MEGF11: variants seen among roughly 807,000 people sequenced by gnomAD.
MEGF11 encodes multiple EGF like domains 11, also known as multiple epidermal growth factor-like domains protein 11.
A neutral mutation model predicts 146.6 loss-of-function variants in MEGF11; 126 were observed. That is an observed-to-expected ratio of 0.86 (90% CI 0.74 to 1.00). The LOEUF (loss-of-function observed/expected upper bound fraction) is 1.00. MEGF11 is among the 50% of genes least tolerant of loss of function. The pLI is 0.00. For synonymous variants in MEGF11, 532 were observed against 583.4 expected (o/e 0.91, Z 1.27); for missense variants, 1,509 against 1,521.2 (o/e 0.99, Z 0.13).
intron 1 of MEGF11, among the ~76,000 whole-genome samples, chr15:66,240,694 C>G (rs759733078): frequency 6.6e-6 from 1 of 152,176 alleles, no homozygotes; most frequent in Non-Finnish European, 1.5e-5. Flanking sequence ...GGTGCTCAGA[C>G]AGGTTAGGTA....
rs2086726050 is a variant in MEGF11, at chr15:66,100,088, A to T, written c.302-5594T>A. On this transcript the variant is annotated intron_variant, in intron 4 of 25. Coordinates refer to ENST00000395614, the MANE Select transcript of MEGF11 (RefSeq NM_001385028.1). Reference sequence around the variant, plus strand: ...CCAGTGGTTGCGCTTTGGGGGGGAAATGTGAGCTTGTACCCCAAGGTCCCC... The same window carrying T: ...CCAGTGGTTGCGCTTTGGGGGGGAATTGTGAGCTTGTACCCCAAGGTCCCC... Among the ~76,000 whole-genome samples the T allele has an allele frequency of 2.0e-5, 3 of 152,176 alleles. No individual in the cohort carries two copies. The South Asian group carries it at 6.2e-4, about 31-fold the overall frequency.
chr15:65,940,532 C>A (rs2079952070), intron 10 of MEGF11, among the ~76,000 whole-genome samples: 1 of 152,264 alleles, frequency 6.6e-6, no homozygotes, highest in African/African-American at 2.4e-5. Context: ...CCAGCCACAG[C>A]AGCCTCTCCA....
chr15:66,069,024 C>G (rs2085256288), intron 5 of MEGF11, among the ~76,000 whole-genome samples: 1 of 150,294 alleles, frequency 6.7e-6, no homozygotes, highest in Non-Finnish European at 1.5e-5. Flanking sequence ...CTGGGTCAGA[C>G]AGTCTGGACT....
chr15:66,088,423 G>A (rs1352136462), intron 5 of MEGF11, among the ~76,000 whole-genome samples: 2 of 152,260 alleles, frequency 1.3e-5, no homozygotes, highest in Non-Finnish European at 2.9e-5. Flanking sequence ...TTGGGAGGCT[G>A]AGTGGATCCC....
intron 2 of MEGF11, 34 bp from the exon 3 acceptor site, chr15:66,124,034 A>T (rs779569470): frequency 1.3e-6 from 2 of 1,543,674 alleles, no homozygotes; most frequent in Non-Finnish European, 1.8e-6. Context: ...AGCCATGATT[A>T]GCACTTGGGA....
chr15:66,164,666 C>T (rs560205926), intron 1 of MEGF11, among the ~76,000 whole-genome samples: 22 of 152,312 alleles, frequency 1.4e-4, no homozygotes, highest in African/African-American at 5.3e-4. Flanking sequence ...CACTCAGACC[C>T]CAATCCCAAT....
At chr15:66,125,955 T>C (rs900283406) in intron 2 of MEGF11, among the ~76,000 whole-genome samples, 10 of 152,190 alleles carry the variant, frequency 6.6e-5, no homozygotes, top group Admixed American at 3.9e-4. Flanking sequence ...CGAACGAGTC[T>C]GGCAACCAGG....
chr15:66,249,388 G>A (rs957188000), intron 1 of MEGF11, among the ~76,000 whole-genome samples: 1 of 152,124 alleles, frequency 6.6e-6, no homozygotes, highest in Non-Finnish European at 1.5e-5. Context: ...TTCATGAGGG[G>A]CTCTCGGAGT....
At chr15:66,154,205 G>A (rs79394454) in intron 1 of MEGF11, among the ~76,000 whole-genome samples, 3,560 of 152,296 alleles carry the variant, frequency 0.023, 131 homozygotes, top group African/African-American at 0.082. Context: ...CTTGCTACCC[G>A]AAACAACAAC....
intron 21 of MEGF11, 94 bp from the exon 22 acceptor site, chr15:65,909,900 A>G (rs2078745049): frequency 1.8e-6 from 2 of 1,126,590 alleles, no homozygotes; most frequent in Non-Finnish European, 1.3e-6. Context: ...CACACCCTGT[A>G]ATAATCCTGA....
chr15:66,075,843 A>G (rs1368646340), intron 5 of MEGF11, among the ~76,000 whole-genome samples: 2 of 152,204 alleles, frequency 1.3e-5, no homozygotes, highest in Non-Finnish European at 2.9e-5. Flanking sequence ...TCCATGAAAT[A>G]AAGGGAATGA....
chr15:66,191,166 C>T (rs1211019553), intron 1 of MEGF11, among the ~76,000 whole-genome samples: 1 of 152,124 alleles, frequency 6.6e-6, no homozygotes, highest in Non-Finnish European at 1.5e-5. Context: ...TCCCTCCCCC[C>T]GCCAAAAGAA....
chr15:66,122,448 C>T (rs148386085), intron 3 of MEGF11, among the ~76,000 whole-genome samples: 9 of 152,314 alleles, frequency 5.9e-5, no homozygotes, highest in Admixed American at 3.9e-4. Context: ...CAGCACAGAA[C>T]GAGTTTTCTC....
chr15:65,896,961 A>G lies in MEGF11; in HGVS notation c.*973T>C, dbSNP rs947854975. 2 of 152,218 alleles carry G rather than the reference A, an allele frequency of 1.3e-5. No homozygotes were observed. Among genetic ancestry groups the G allele is most frequent in the African/African-American group, 4.8e-5 (2 of 41,468 alleles). The allele number at this position is 152,218 out of a possible 1,614,324, so 9.4% of individuals were successfully genotyped here. On this transcript the variant is annotated 3_prime_UTR_variant, in exon 26 of 26. Transcript: ENST00000395614. ...CCTGTATACTTTTAGGTTTCATACT[A>G]CGTCAATCTCAAGATTTATGAAGAA...
In MEGF11 at chr15:65,897,901, T is replaced by C; in HGVS notation, c.*33A>G. Reference sequence around the variant, plus strand: ...CTTCTTTCAGAGTCAGAATATTCAGTAGAGCACACTGCAAGAGAGAAGCTT... The same window carrying C: ...CTTCTTTCAGAGTCAGAATATTCAGCAGAGCACACTGCAAGAGAGAAGCTT... On this transcript the variant is annotated 3_prime_UTR_variant, in exon 26 of 26. Transcript: ENST00000395614. 1 of 1,602,694 alleles carries C rather than the reference T, an allele frequency of 6.2e-7. No homozygotes were observed. The highest frequency in any genetic ancestry group is 1.1e-5 in the South Asian group (1 of 89,956).
At chr15:66,005,852 A>C (rs1009889352) in intron 5 of MEGF11, among the ~76,000 whole-genome samples, 5 of 152,200 alleles carry the variant, frequency 3.3e-5, no homozygotes, top group African/African-American at 4.8e-5. Context: ...TAACATGTAC[A>C]CGCAGTGAAG....
At chr15:66,082,080 C>A (rs2085882156) in intron 5 of MEGF11, among the ~76,000 whole-genome samples, 1 of 152,164 alleles carries the variant, frequency 6.6e-6, no homozygotes, top group Non-Finnish European at 1.5e-5. Flanking sequence ...GCCACCAAGT[C>A]TTGTTACAGC....
In MEGF11 at chr15:65,897,410, C is replaced by CT. The variant is rs2078378169; in HGVS notation, c.*523_*524insA. The CT allele has an allele frequency of 6.6e-6, 1 of 152,174 alleles. No individual in the cohort carries two copies. The highest frequency in any genetic ancestry group is 6.5e-5 in the Admixed American group (1 of 15,282). The allele number at this position is 152,174 out of a possible 1,614,324, so 9.4% of individuals were successfully genotyped here. A position where few individuals can be genotyped will look rare whatever the true frequency, so the allele number is the denominator to read the frequency against. ...GGCTGTTGTAATTTGATGGACCAGACAGATATGTACAGACATTTTAAGACT... is the reference window on the plus strand; with the variant it reads ...GGCTGTTGTAATTTGATGGACCAGACTAGATATGTACAGACATTTTAAGACT... On this transcript the variant is annotated 3_prime_UTR_variant, in exon 26 of 26. Coordinates refer to ENST00000395614, the MANE Select transcript of MEGF11 (RefSeq NM_001385028.1).
chr15:66,072,333 A>G (rs1442283472), intron 5 of MEGF11, among the ~76,000 whole-genome samples: 4 of 152,174 alleles, frequency 2.6e-5, no homozygotes, highest in Admixed American at 6.5e-5. Context: ...TCTTGGCTCA[A>G]ATCTTCCCAT....
Sources: gnomAD v4.1 joint callset for allele counts (sites outside exome capture counted in the v4.1 genomes callset) on GRCh38, gnomAD v4.1.1 for gene constraint, MANE v1.5 for transcripts, NCBI Gene and HGNC (gene_info 2026-07-23, HGNC 2026-07-21) for gene names.